The following ABCC4 variants were observed in gnomAD, a reference collection of about 807,000 sequenced individuals.
The protein encoded by ABCC4 is ATP binding cassette subfamily C member 4 (PEL blood group), also known as ATP-binding cassette sub-family C member 4.
ABCC4 carries 102 observed loss-of-function variants against 168.5 expected under a neutral mutation model. That is an observed-to-expected ratio of 0.61 (90% CI 0.52 to 0.71). The LOEUF (loss-of-function observed/expected upper bound fraction) is 0.71, where lower values mean the gene tolerates loss of function less well. ABCC4 is among the 30% of genes least tolerant of loss of function. The probability of loss-of-function intolerance (pLI) is 0.00; values close to 1 mark genes in which losing one functional copy is unlikely to be tolerated. For missense variants in ABCC4, 1,402 were observed against 1,605.8 expected (o/e 0.87, Z 2.17); for synonymous variants, 617 against 590.7 (o/e 1.04, Z -0.65).
At chr13:95,296,994 G>T (rs547052595) in intron 1 of ABCC4, among the ~76,000 whole-genome samples, 2 of 152,268 alleles carry the variant, frequency 1.3e-5, no homozygotes, top group South Asian at 4.2e-4. Context: ...TGGAAGGCCA[G>T]GCACAGTGGC....
chr13:95,150,176 C>T (rs1282893294), intron 19 of ABCC4, among the ~76,000 whole-genome samples: 2 of 152,084 alleles, frequency 1.3e-5, no homozygotes, highest in Non-Finnish European at 2.9e-5. Flanking sequence ...ATTGTCCGAG[C>T]TGCTTTCAAA....
intron 8 of ABCC4, among the ~76,000 whole-genome samples, chr13:95,204,118 C>T (rs1321961089): frequency 1.3e-5 from 2 of 152,168 alleles, no homozygotes; most frequent in Non-Finnish European, 2.9e-5. Flanking sequence ...GAAGGGAGGA[C>T]ACCCCAGCCA....
chr13:95,021,714 T>A, intron 30 of ABCC4, 32 bp from the exon 31 acceptor site: 1 of 1,500,920 alleles, frequency 6.7e-7, no homozygotes, highest in Non-Finnish European at 9.2e-7. Context: ...ATAAAAAGAA[T>A]GTTTCAAAAT....
chr13:95,186,742 C>T lies in ABCC4; in HGVS notation c.1504G>A (p.Glu502Lys), dbSNP rs2038075906. The T allele has an allele frequency of 2.5e-6, 4 of 1,614,030 alleles. No individual in the cohort carries two copies. The highest frequency in any genetic ancestry group is 3.4e-6 in the Non-Finnish European group (4 of 1,179,964). The change falls in exon 11 of 31, where the codon GAA becomes AAA. Residue 502 changes from glutamate to lysine, a missense_variant. By Grantham distance (56) the Glu-to-Lys change is moderately conservative. Transcript: ENST00000645237. ...NILFGKKYEK[E>K]RYEKVIKACA... ...GCCTTTATGACTTTTTCATATCGTT[C>T]CTTTTCGTATTTCTTCCCAAATAAA... is the stretch of plus-strand genomic sequence containing the variant.
intron 29 of ABCC4, among the ~76,000 whole-genome samples, chr13:95,041,027 T>C (rs2032334416): frequency 6.6e-6 from 1 of 152,288 alleles, no homozygotes; most frequent in African/African-American, 2.4e-5. Flanking sequence ...GGCTGTGCTA[T>C]TGGCTGAAAG....
intron 20 of ABCC4, among the ~76,000 whole-genome samples, chr13:95,114,983 C>T (rs1051242398): frequency 2.6e-5 from 4 of 152,050 alleles, no homozygotes; most frequent in Non-Finnish European, 5.9e-5. Context: ...GAAAAAGTCA[C>T]AGAGGTTCAA....
At chr13:95,210,572 A>G in intron 5 of ABCC4, 120 bp downstream of exon 5, 1 of 786,564 alleles carries the variant, frequency 1.3e-6, no homozygotes, top group Non-Finnish European at 2.1e-6. Context: ...GCCTTCAGCG[A>G]GCTATGATCC....
At chr13:95,157,125 C>CACACAT (rs1555322649) in intron 19 of ABCC4, among the ~76,000 whole-genome samples, 5 of 140,916 alleles carry the variant, frequency 3.5e-5, no homozygotes, top group Non-Finnish European at 6.1e-5. Context: ...CACACACACA[C>CACACAT]ACACAAACAG....
At chr13:95,149,759 C>T (rs760009680) in intron 19 of ABCC4, among the ~76,000 whole-genome samples, 17 of 152,090 alleles carry the variant, frequency 1.1e-4, no homozygotes, top group Non-Finnish European at 1.8e-4. Flanking sequence ...TATCATTGTG[C>T]GGAACACAGA....
chr13:95,295,400 C>G (rs1286430873), intron 1 of ABCC4, among the ~76,000 whole-genome samples: 1 of 152,120 alleles, frequency 6.6e-6, no homozygotes, highest in African/African-American at 2.4e-5. Context: ...TGGCTCGCCC[C>G]CGTAATCCCA....
At chr13:95,263,971 G>T (rs1213995830) in intron 1 of ABCC4, among the ~76,000 whole-genome samples, 1 of 152,158 alleles carries the variant, frequency 6.6e-6, no homozygotes, top group Middle Eastern at 3.2e-3. Context: ...TACAAGACAT[G>T]TCTGAACTAT....
chr13:95,170,456 T>G, intron 14 of ABCC4, 76 bp downstream of exon 14: 1 of 818,874 alleles, frequency 1.2e-6, no homozygotes, highest in East Asian at 2.6e-5. Context: ...GAAAGGAACA[T>G]GAAATGGAGG....
intron 13 of ABCC4, among the ~76,000 whole-genome samples, chr13:95,176,903 G>A (rs941603760): frequency 3.3e-5 from 5 of 152,136 alleles, no homozygotes; most frequent in Non-Finnish European, 5.9e-5. Flanking sequence ...AGTGTCAGTC[G>A]GCACACATGA....
intron 29 of ABCC4, among the ~76,000 whole-genome samples, chr13:95,037,434 G>A (rs1216142112): frequency 6.6e-6 from 1 of 152,170 alleles, no homozygotes; most frequent in Non-Finnish European, 1.5e-5. Context: ...TATCATTTTA[G>A]GAATGGGAGA....
chr13:95,218,076 T>C (rs1442597749), intron 4 of ABCC4, among the ~76,000 whole-genome samples: 2 of 152,242 alleles, frequency 1.3e-5, no homozygotes, highest in African/African-American at 2.4e-5. Flanking sequence ...ATCTATCTTA[T>C]TTATTTTATG....
chr13:95,203,561 TTGGCCAAGC>T (rs1174809523), intron 8 of ABCC4, among the ~76,000 whole-genome samples: 1 of 151,946 alleles, frequency 6.6e-6, no homozygotes, highest in African/African-American at 2.4e-5. Flanking sequence ...TTTCACCATG[TTGGCCAAGC>T]TGGTCTCTAA....
At chr13:95,211,192 T>A (rs3782963) in intron 4 of ABCC4, among the ~76,000 whole-genome samples, 1 of 152,032 alleles carries the variant, frequency 6.6e-6, no homozygotes, top group East Asian at 1.9e-4. Flanking sequence ...ATTAAACACA[T>A]GGGGCCTTAG....
intron 1 of ABCC4, among the ~76,000 whole-genome samples, chr13:95,295,071 G>A (rs185767369): frequency 2.6e-5 from 4 of 152,240 alleles, no homozygotes; most frequent in South Asian, 4.2e-4. Context: ...CCCAGACACC[G>A]ATCAAGTAGA....
intron 7 of ABCC4, 65 bp downstream of exon 7, chr13:95,207,735 A>C: frequency 6.5e-7 from 1 of 1,535,918 alleles, no homozygotes; most frequent in South Asian, 1.2e-5. Context: ...AAACTTCTAA[A>C]ACCATCAACA....
Sources: allele counts gnomAD v4.1 joint callset (sites outside exome capture counted in the v4.1 genomes callset), GRCh38; gene constraint gnomAD v4.1.1; transcripts MANE v1.5; gene names NCBI Gene and HGNC (gene_info 2026-07-23, HGNC 2026-07-21).